Variants in DYM observed in about 807,000 individuals in gnomAD.
DYM encodes the protein dymeclin, also known as dyggve-Melchior-Clausen syndrome protein.
DYM carries 78 observed loss-of-function variants against 93.1 expected under a neutral mutation model. That is an observed-to-expected ratio of 0.84 (90% CI 0.70 to 1.01). The LOEUF is 1.01. Ranked by LOEUF, DYM falls within the 50% of genes least tolerant of loss-of-function variation. The probability of loss-of-function intolerance (pLI) is 0.00; values close to 1 mark genes in which losing one functional copy is unlikely to be tolerated. For missense variants in DYM, 789 were observed against 845.0 expected (o/e 0.93, Z 0.82); for synonymous variants, 321 against 319.7 (o/e 1.00, Z -0.04).
At chr18:49,198,450 C>G (rs868328743) in intron 14 of DYM, among the ~76,000 whole-genome samples, 12 of 152,180 alleles carry the variant, frequency 7.9e-5, no homozygotes, top group South Asian at 4.1e-4. Context: ...AGGCAACCTA[C>G]AGAATGGGAG....
chr18:49,152,464 G>A (rs1482482149), intron 15 of DYM, among the ~76,000 whole-genome samples: 5 of 152,104 alleles, frequency 3.3e-5, no homozygotes, highest in Non-Finnish European at 5.9e-5. Flanking sequence ...CTTTTCATAA[G>A]GAAAAAAGTG....
chr18:49,090,559 G>A (rs573736327), intron 17 of DYM, among the ~76,000 whole-genome samples: 21 of 152,250 alleles, frequency 1.4e-4, no homozygotes, highest in African/African-American at 4.8e-4. Flanking sequence ...TCAGGCACTC[G>A]GTCTCCTCGA....
intron 13 of DYM, among the ~76,000 whole-genome samples, chr18:49,217,068 T>C (rs571128506): frequency 1.3e-5 from 2 of 152,292 alleles, no homozygotes; most frequent in African/African-American, 4.8e-5. Flanking sequence ...AAGGAGCTGA[T>C]GGAGCTGAAA....
intron 2 of DYM, among the ~76,000 whole-genome samples, chr18:49,425,636 A>G (rs1029566471): frequency 6.6e-6 from 1 of 152,180 alleles, no homozygotes; most frequent in Non-Finnish European, 1.5e-5. Context: ...AATTTTTGCA[A>G]TCTACCCATC....
intron 11 of DYM, among the ~76,000 whole-genome samples, chr18:49,265,283 T>C (rs2094551836): frequency 6.6e-6 from 1 of 152,188 alleles, no homozygotes; most frequent in African/African-American, 2.4e-5. Flanking sequence ...CTGCCTTACC[T>C]GGCAGCAGCC....
intron 15 of DYM, among the ~76,000 whole-genome samples, chr18:49,120,352 T>C (rs1469195363): frequency 6.6e-6 from 1 of 152,128 alleles, no homozygotes; most frequent in African/African-American, 2.4e-5. Flanking sequence ...ACTTCTAATA[T>C]AGTTAGGTTG....
At chr18:49,330,273 CTGAA>C (rs1467870789) in intron 8 of DYM, among the ~76,000 whole-genome samples, 8 of 152,008 alleles carry the variant, frequency 5.3e-5, no homozygotes, top group Non-Finnish European at 1.2e-4. Flanking sequence ...ATGCACTTAA[CTGAA>C]TATTAAATTT....
chr18:49,243,221 G>C lies in DYM; in HGVS notation c.1460+13789C>G, dbSNP rs573826855. ...TCACAGTAAAACACAGAGCCTGCTA[G>C]ACAATAAGCTCTCTGAAGACAGCAT... On this transcript the variant is annotated intron_variant, in intron 13 of 17. Coordinates refer to ENST00000675505, the MANE Select transcript of DYM (RefSeq NM_001353214.3). 2.6e-5 allele frequency among the ~76,000 whole-genome samples: 4 copies of C among 152,264 alleles called. No homozygotes were observed. In the South Asian group the frequency reaches 6.2e-4, roughly 24 times the overall value.
chr18:49,303,566 GT>G (rs2146223427), intron 8 of DYM, among the ~76,000 whole-genome samples: 1 of 152,236 alleles, frequency 6.6e-6, no homozygotes, highest in African/African-American at 2.4e-5. Context: ...AGCTGGTCAG[GT>G]GTGACCCTTT....
intron 16 of DYM, among the ~76,000 whole-genome samples, chr18:49,109,412 C>T (rs370960843): frequency 6.6e-6 from 1 of 152,046 alleles, no homozygotes; most frequent in Admixed American, 6.6e-5. Context: ...AGTGGTTGCC[C>T]TAGAGTTTAT....
At chr18:49,346,059 A>C (rs1488555442) in intron 6 of DYM, among the ~76,000 whole-genome samples, 1 of 152,196 alleles carries the variant, frequency 6.6e-6, no homozygotes, top group Non-Finnish European at 1.5e-5. Context: ...ACTGCTGTGG[A>C]AAAGTTTGGC....
At chr18:49,407,571 T>C (rs2071650691) in intron 2 of DYM, among the ~76,000 whole-genome samples, 1 of 152,140 alleles carries the variant, frequency 6.6e-6, no homozygotes, top group Admixed American at 6.5e-5. Context: ...GATGCCACAC[T>C]CTTTTAAACA....
At chr18:49,126,875 A>T (rs111349964) in intron 15 of DYM, among the ~76,000 whole-genome samples, 3,834 of 152,310 alleles carry the variant, frequency 0.025, 73 homozygotes, top group Non-Finnish European at 0.042. Flanking sequence ...AGAACTCAGA[A>T]CTCATGTTTC....
In DYM at chr18:49,043,063, A is replaced by C. The variant is rs2071048157; in HGVS notation, c.*992T>G. 6.6e-6 allele frequency: 1 copy of C among 152,168 alleles called. No homozygotes were observed. The highest frequency in any genetic ancestry group is 2.4e-5 in the African/African-American group (1 of 41,426). The allele number at this position is 152,168 out of a possible 1,614,324, so 9.4% of individuals were successfully genotyped here. Reference sequence around the variant, plus strand: ...TCCAATTTAATTCCAGCAACAGTTCACAGGCCATATTCACAGAAAAGTTAA... The same window carrying C: ...TCCAATTTAATTCCAGCAACAGTTCCCAGGCCATATTCACAGAAAAGTTAA... On this transcript the variant is annotated 3_prime_UTR_variant, in exon 18 of 18. Coordinates refer to ENST00000675505, the MANE Select transcript of DYM (RefSeq NM_001353214.3).
chr18:49,177,357 G>A (rs1424059417), intron 14 of DYM, among the ~76,000 whole-genome samples: 1 of 152,114 alleles, frequency 6.6e-6, no homozygotes, highest in Non-Finnish European at 1.5e-5. Flanking sequence ...TGCTAACTTT[G>A]GGGAAATGCT....
chr18:49,395,903 A>T (rs1181474708), intron 2 of DYM, among the ~76,000 whole-genome samples: 3 of 152,180 alleles, frequency 2.0e-5, no homozygotes, highest in Admixed American at 2.0e-4. Context: ...GTGGGGCCTA[A>T]TGGGAGGTGT....
intron 8 of DYM, among the ~76,000 whole-genome samples, chr18:49,289,770 T>TATATAC (rs2059971197): frequency 4.7e-5 from 2 of 42,706 alleles, no homozygotes; most frequent in African/African-American, 2.0e-4. Context: ...TATATATATA[T>TATATAC]ATACACATAT....
At chr18:49,302,353 GATT>G (rs77010037) in intron 8 of DYM, among the ~76,000 whole-genome samples, 12,162 of 152,118 alleles carry the variant, frequency 0.08, 748 homozygotes, top group East Asian at 0.31. Flanking sequence ...TTATTCAGAT[GATT>G]ATTAATATTT....
chr18:49,339,138 G>C (rs1318367231), intron 6 of DYM, among the ~76,000 whole-genome samples: 1 of 152,176 alleles, frequency 6.6e-6, no homozygotes, highest in African/African-American at 2.4e-5. Context: ...GTGTTGCCAG[G>C]CATGTGGTGA....
Sources: allele counts gnomAD v4.1 joint callset (sites outside exome capture counted in the v4.1 genomes callset), GRCh38; gene constraint gnomAD v4.1.1; transcripts MANE v1.5; gene names NCBI Gene and HGNC (gene_info 2026-07-23, HGNC 2026-07-21).